Variants in ZNF253 observed in about 807,000 individuals in gnomAD.
ZNF253 encodes DNA-binding protein.
In ZNF253, 8 loss-of-function variants were observed where a neutral mutation model predicts 11.9. The ratio of observed to expected loss-of-function variants is 0.67; its 90% CI spans 0.40 to 1.22. The LOEUF (loss-of-function observed/expected upper bound fraction) is 1.22. ZNF253 is among the 50% of genes most tolerant of loss of function. The probability of loss-of-function intolerance (pLI) is 0.01; values close to 1 mark genes in which losing one functional copy is unlikely to be tolerated. For missense variants in ZNF253, 485 were observed against 586.9 expected (o/e 0.83, Z 1.79); for synonymous variants, 194 against 194.9 (o/e 1.00, Z 0.04).
intron 1 of ZNF253, among the ~76,000 whole-genome samples, chr19:19,870,484 T>C (rs1283728423): frequency 6.6e-6 from 1 of 152,096 alleles, no homozygotes; most frequent in Non-Finnish European, 1.5e-5. Flanking sequence ...GAAAATTTAC[T>C]ACCAAATTGT....
At chr19:19,872,977 A>G (rs548885441) in intron 1 of ZNF253, among the ~76,000 whole-genome samples, 13 of 152,230 alleles carry the variant, frequency 8.5e-5, no homozygotes, top group East Asian at 5.8e-4. Context: ...GATTTACAAA[A>G]AAGGGCCGGA....
At chr19:19,876,353 A>G (rs2047692172) in intron 1 of ZNF253, among the ~76,000 whole-genome samples, 1 of 152,224 alleles carries the variant, frequency 6.6e-6, no homozygotes, top group Admixed American at 6.5e-5. Context: ...CCACCTTTGC[A>G]CTAAAGGGTG....
At chr19:19,888,355 C>T (rs1284465213) in intron 3 of ZNF253, among the ~76,000 whole-genome samples, 6 of 152,116 alleles carry the variant, frequency 3.9e-5, no homozygotes, top group South Asian at 2.1e-4. Flanking sequence ...TGAGCGACTG[C>T]GCCTGGCCAA....
chr19:19,873,025 A>T (rs912551941), intron 1 of ZNF253, among the ~76,000 whole-genome samples: 6 of 152,088 alleles, frequency 3.9e-5, no homozygotes, highest in African/African-American at 1.4e-4. Context: ...AACAAAAGGC[A>T]TTTTCTGTAT....
intron 3 of ZNF253, among the ~76,000 whole-genome samples, chr19:19,887,069 C>A (rs1025091704): frequency 2.6e-5 from 4 of 151,914 alleles, no homozygotes; most frequent in African/African-American, 7.2e-5. Context: ...TAAAATAATA[C>A]CAGTCTATGT....
intron 3 of ZNF253, among the ~76,000 whole-genome samples, chr19:19,881,728 G>C (rs1410984888): frequency 1.3e-5 from 2 of 151,020 alleles, no homozygotes; most frequent in Admixed American, 1.3e-4. Context: ...TTTACTGACT[G>C]TATTTATTAG....
chr19:19,866,532 C>G (rs1321824989), intron 1 of ZNF253, among the ~76,000 whole-genome samples: 6 of 148,778 alleles, frequency 4.0e-5, no homozygotes, highest in African/African-American at 1.5e-4. Flanking sequence ...GAGTTTTGCT[C>G]TTGTGGCCCA....
At chr19:19,872,563 A>C (rs923655194) in intron 1 of ZNF253, among the ~76,000 whole-genome samples, 32 of 82,260 alleles carry the variant, frequency 3.9e-4, no homozygotes, top group African/African-American at 1.9e-3. Flanking sequence ...AACCATAACT[A>C]TATATATATA....
At chr19:19,885,324 TTC>T (rs1491583534) in intron 3 of ZNF253, among the ~76,000 whole-genome samples, 1 of 84,824 alleles carries the variant, frequency 1.2e-5, no homozygotes, top group Non-Finnish European at 1.9e-5. Flanking sequence ...CTTTCTTTCT[TTC>T]TTTCTTTCTT....
In ZNF253 at chr19:19,891,622, C is replaced by G. The variant is rs1260284029; in HGVS notation, c.375C>G (p.His125Gln). The part of the protein sequence containing the change: ...GCKSVGEHKV[H>Q]KGGYNGLNQC... ...AAAGCGTGGGTGAGCATAAGGTGCACAAAGGAGGTTATAATGGACTTAACC... is the reference window on the plus strand; with the variant it reads ...AAAGCGTGGGTGAGCATAAGGTGCAGAAAGGAGGTTATAATGGACTTAACC... Residue 125 changes from histidine (H) to glutamine (Q), a missense_variant, in exon 4 of 4, where the codon CAC becomes CAG. By Grantham distance (24) the His-to-Gln change is conservative (BLOSUM62 0). Around this residue, in one of 3 missense-constraint regions of ZNF253, gnomAD observed 218 missense variants for 213.1 expected, o/e 1.02. Coordinates refer to ENST00000589717, the MANE Select transcript of ZNF253 (RefSeq NM_021047.3). The G allele has an allele frequency of 6.2e-7, 1 of 1,613,908 alleles. No homozygotes were observed. Among genetic ancestry groups the G allele is most frequent in the Admixed American group, 1.7e-5 (1 of 59,980 alleles).
In ZNF253 at chr19:19,891,974, C is replaced by G. The variant is rs755707818; in HGVS notation, c.727C>G (p.Leu243Val). 34 of 1,613,748 alleles carry G rather than the reference C, an allele frequency of 2.1e-5. No individual in the cohort carries two copies. Among genetic ancestry groups the G allele is most frequent in the Admixed American group, 6.7e-5 (4 of 60,000 alleles). The change falls in exon 4 of 4, where the codon CTT becomes GTT. Residue 243 changes from leucine (L) to valine (V), a missense_variant. Physicochemically the swap from Leu to Val is conservative, Grantham distance 32. Around this residue, in one of 3 missense-constraint regions of ZNF253, gnomAD observed 232 missense variants for 321.4 expected, o/e 0.72. Coordinates refer to ENST00000589717, the MANE Select transcript of ZNF253 (RefSeq NM_021047.3). ...CAAAGCCTTTAAGCAGTCCTCAAAC[C>G]TTACTACACATAAGAAAATTCATAC... ...CGKAFKQSSN[L>V]TTHKKIHTGE...
In ZNF253 at chr19:19,892,244, A is replaced by T. The variant is rs762913554; in HGVS notation, c.997A>T (p.Ile333Phe). Residue 333 changes from isoleucine to phenylalanine, a missense_variant, in exon 4 of 4, where the codon ATT (isoleucine) becomes TTT (phenylalanine). Ile to Phe is a conservative substitution (Grantham distance 21, BLOSUM62 0). Coordinates refer to ENST00000589717, the MANE Select transcript of ZNF253 (RefSeq NM_021047.3). ...CTCTAACCTTACTATACATAAGAGA[A>T]TTCATACAGGAGAGAAACCCTACAA... is the stretch of plus-strand genomic sequence containing the variant. ...HCSNLTIHKR[I>F]HTGEKPYKCE... The T allele has an allele frequency of 1.9e-6, 3 of 1,613,604 alleles. No individual in the cohort carries two copies. Among genetic ancestry groups the T allele is most frequent in the Non-Finnish European group, 2.5e-6 (3 of 1,179,912 alleles).
At chr19:19,891,007 A>ATTTTTTTTTTTTTTTTTT (rs1568501169) in intron 3 of ZNF253, among the ~76,000 whole-genome samples, 9 of 149,808 alleles carry the variant, frequency 6.0e-5, no homozygotes, top group African/African-American at 2.3e-4. Flanking sequence ...TGTCTGGCTA[A>ATTTTTTTTTTTTTTTTTT]TTTTTTGTAT....
At chr19:19,881,506 G>A (rs2063177531) in intron 3 of ZNF253, among the ~76,000 whole-genome samples, 1 of 151,880 alleles carries the variant, frequency 6.6e-6, no homozygotes, top group South Asian at 2.1e-4. Context: ...AAAATTCACT[G>A]GGCATGGTGG....
intron 3 of ZNF253, among the ~76,000 whole-genome samples, chr19:19,885,409 T>TG (rs747566336): frequency 0.16 from 15,697 of 99,488 alleles, 2,024 homozygotes; most frequent in East Asian, 0.41. Flanking sequence ...TTTCTTTTCT[T>TG]AGATGGAGTC....
At position 19,891,871 on chromosome 19, in the gene ZNF253, T is replaced by G. The variant is rs878987012; in HGVS notation, c.624T>G (p.Ala208=). 1.9e-6 allele frequency: 3 copies of G among 1,608,250 alleles called. No homozygotes were observed. The highest frequency in any genetic ancestry group is 2.5e-6 in the Non-Finnish European group (3 of 1,177,958). The change falls in exon 4 of 4, where the codon GCT becomes GCG. Residue 208 remains alanine (A), a synonymous_variant. Transcript: ENST00000589717. ...ACAGATGTGAAGAATGTGGCAAAGCTTTTAACCAATCTGCAAACCTTACTA... is the reference window on the plus strand; with the variant it reads ...ACAGATGTGAAGAATGTGGCAAAGCGTTTAACCAATCTGCAAACCTTACTA... ...KPYRCEECGK[A]FNQSANLTTH... is the part of the protein sequence containing the mutation.
At position 19,865,952 on chromosome 19, in the gene ZNF253, T is replaced by C; in HGVS notation, c.-45T>C. 9 of 1,613,948 alleles carry C rather than the reference T, an allele frequency of 5.6e-6. No homozygotes were observed. The highest frequency in any genetic ancestry group is 7.6e-6 in the Non-Finnish European group (9 of 1,179,898). The stretch of plus-strand genomic sequence containing the variant: ...TCTGTGGCCGTGTGACCTGCAAGTA[T>C]TGGGAGAGCCACAGCTAAACCCCGG... On this transcript the variant is annotated 5_prime_UTR_variant, in exon 1 of 4. Transcript: ENST00000589717.
chr19:19,886,386 T>G (rs1599557570), intron 3 of ZNF253, among the ~76,000 whole-genome samples: 1 of 151,990 alleles, frequency 6.6e-6, no homozygotes, highest in South Asian at 2.1e-4. Flanking sequence ...GACTGGAGAG[T>G]TTTGCATGTG....
At chr19:19,880,619 C>G (rs1278645281) in intron 3 of ZNF253, among the ~76,000 whole-genome samples, 1 of 151,534 alleles carries the variant, frequency 6.6e-6, no homozygotes, top group African/African-American at 2.4e-5. Context: ...TCAGGAGAAT[C>G]ATTTGAACCT....
Sources: allele counts gnomAD v4.1 joint callset (sites outside exome capture counted in the v4.1 genomes callset), GRCh38; gene constraint gnomAD v4.1.1; regional missense constraint gnomAD v4.1.1; transcripts MANE v1.5; gene names NCBI Gene and HGNC (gene_info 2026-07-23, HGNC 2026-07-21).